TMC2: variants seen among roughly 807,000 people sequenced by gnomAD.
The protein encoded by TMC2 is transmembrane channel like 2.
TMC2 carries 102 observed loss-of-function variants against 105.9 expected under a neutral mutation model. That is an observed-to-expected ratio of 0.96 (90% CI 0.82 to 1.14). TMC2 has a LOEUF of 1.14. Ranked by LOEUF, TMC2 falls within the 50% of genes most tolerant of loss-of-function variation. The pLI is 0.00. For missense variants in TMC2, 1,093 were observed against 1,134.3 expected, an observed-to-expected ratio of 0.96 and a Z score of 0.52; for synonymous variants, 402 against 422.8, an observed-to-expected ratio of 0.95 and a Z score of 0.60.
At chr20:2,566,877 A>G (rs1173135799) in intron 4 of TMC2, among the ~76,000 whole-genome samples, 1 of 152,254 alleles carries the variant, frequency 6.6e-6, no homozygotes, top group Non-Finnish European at 1.5e-5. Flanking sequence ...AAAATCTGCT[A>G]TTTCTGGCCA....
chr20:2,629,065 G>A (rs1019401296), intron 17 of TMC2, among the ~76,000 whole-genome samples: 2 of 151,908 alleles, frequency 1.3e-5, no homozygotes, highest in African/African-American at 4.8e-5. Context: ...TCGCGCCACT[G>A]TACTCCAGCC....
intron 13 of TMC2, among the ~76,000 whole-genome samples, chr20:2,612,987 TA>T (rs1385795292): frequency 6.6e-6 from 1 of 152,212 alleles, no homozygotes; most frequent in African/African-American, 2.4e-5. Flanking sequence ...TCCAAAGCCA[TA>T]CAATTGGTAA....
At chr20:2,552,669 C>G (rs1325836747) in intron 2 of TMC2, among the ~76,000 whole-genome samples, 1 of 152,096 alleles carries the variant, frequency 6.6e-6, no homozygotes, top group African/African-American at 2.4e-5. Flanking sequence ...ACTCGTGCCA[C>G]CATGCCCAGC....
chr20:2,571,667 G>A lies in TMC2; in HGVS notation c.555-512G>A, dbSNP rs372787779. Among the ~76,000 whole-genome samples the A allele has an allele frequency of 3.7e-4, 57 of 152,050 alleles. 2 individuals carry two copies. In the South Asian group the frequency reaches 0.011, roughly 30 times the overall value. On this transcript the variant is annotated intron_variant, in intron 4 of 19. Transcript: ENST00000358864. ...GGGCTCATATTATTTTATTACACTG[G>A]GGCCATGCAGATGACCCAGAATAAT...
intron 7 of TMC2, among the ~76,000 whole-genome samples, chr20:2,589,969 G>A (rs940307663): frequency 2.0e-5 from 3 of 152,096 alleles, no homozygotes; most frequent in Non-Finnish European, 2.9e-5. Context: ...GCGCATGGCC[G>A]GCAGTATTGT....
At chr20:2,578,951 T>C (rs1379983475) in intron 5 of TMC2, among the ~76,000 whole-genome samples, 195 bp from the exon 6 acceptor site, 1 of 152,170 alleles carries the variant, frequency 6.6e-6, no homozygotes, top group Non-Finnish European at 1.5e-5. Flanking sequence ...GGCCTGACGT[T>C]GGGGAAGTAA....
At chr20:2,554,010 G>A (rs899437686) in intron 2 of TMC2, among the ~76,000 whole-genome samples, 11 of 151,760 alleles carry the variant, frequency 7.2e-5, no homozygotes, top group Non-Finnish European at 1.0e-4. Context: ...TCAGCCTCCC[G>A]AGTAGCTGGG....
At chr20:2,613,457 A>ATTTAATTT (rs2086458407) in intron 14 of TMC2, 135 bp downstream of exon 14, 2 of 1,324,616 alleles carry the variant, frequency 1.5e-6, no homozygotes, top group East Asian at 4.8e-5. Context: ...AGAGTAGTAA[A>ATTTAATTT]GTGTTTAATT....
chr20:2,641,306 G>A lies in TMC2; in HGVS notation c.2676G>A (p.Pro892=), dbSNP rs6050797. The part of the protein sequence containing the change: ...DSGHAPSQTH[P]WRSASGKSAQ... ...GCCACGCCCCATCTCAGACTCATCC[G>A]TGGAGGTCAGCCTCTGGAAAGAGTG... Residue 892 remains proline, a synonymous_variant, in exon 20 of 20, where the codon CCG becomes CCA. Transcript: ENST00000358864. The A allele has an allele frequency of 2.2e-4, 355 of 1,614,086 alleles. 3 individuals carry two copies. The African/African-American group carries it at 3.9e-3, about 18-fold the overall frequency.
intron 5 of TMC2, among the ~76,000 whole-genome samples, chr20:2,574,778 T>C (rs1003052333): frequency 3.9e-5 from 6 of 152,116 alleles, no homozygotes; most frequent in African/African-American, 1.4e-4. Flanking sequence ...CAGGCTAGAG[T>C]GCAGCAGCAT....
intron 2 of TMC2, among the ~76,000 whole-genome samples, chr20:2,557,834 C>G (rs1338865526): frequency 6.6e-6 from 1 of 152,232 alleles, no homozygotes; most frequent in African/African-American, 2.4e-5. Context: ...GGCAGTCATT[C>G]TCACCCAGAC....
rs1227320479 is a variant in TMC2, at chr20:2,594,952, T to G, written c.1061T>G (p.Ile354Ser). 1.1e-5 allele frequency: 18 copies of G among 1,613,754 alleles called. No homozygotes were observed. Among genetic ancestry groups the G allele is most frequent in the Non-Finnish European group, 1.5e-5 (18 of 1,179,920 alleles). The part of the protein sequence containing the change: ...VGVSVFGYSL[I>S]IVIRSMASNT... ...GTCAGCGTGTTCGGCTACAGCCTGA[T>G]TATTGTCATTCGATCGTAAGTATGA... The change falls in exon 9 of 20, where the codon ATT (isoleucine) becomes AGT (serine). Residue 354 changes from isoleucine to serine, a missense_variant. Ile to Ser is a moderately radical substitution (Grantham distance 142). Coordinates refer to ENST00000358864, the MANE Select transcript of TMC2 (RefSeq NM_080751.3).
intron 4 of TMC2, among the ~76,000 whole-genome samples, chr20:2,564,202 G>A (rs543599986): frequency 7.2e-6 from 1 of 138,734 alleles, no homozygotes; most frequent in African/African-American, 2.8e-5. Flanking sequence ...CCAGGATGGA[G>A]TGCAGTGGCA....
chr20:2,555,999 T>C (rs2085982703), intron 2 of TMC2, among the ~76,000 whole-genome samples: 1 of 152,246 alleles, frequency 6.6e-6, no homozygotes, highest in South Asian at 2.1e-4. Flanking sequence ...GCTATGATTA[T>C]CCAACATATT....
At chr20:2,636,847 G>A (rs560156237) in intron 18 of TMC2, among the ~76,000 whole-genome samples, 5 of 152,082 alleles carry the variant, frequency 3.3e-5, no homozygotes, top group Admixed American at 3.3e-4. Context: ...TCTTGACCTC[G>A]TGATCCGCCT....
At chr20:2,588,966 A>AATG (rs1317063348) in intron 7 of TMC2, among the ~76,000 whole-genome samples, 1 of 152,082 alleles carries the variant, frequency 6.6e-6, no homozygotes, top group African/African-American at 2.4e-5. Context: ...TCTCTACCAA[A>AATG]ATGATTCATC....
At chr20:2,636,073 T>C in intron 18 of TMC2, 69 bp downstream of exon 18, 1 of 1,339,402 alleles carries the variant, frequency 7.5e-7, no homozygotes, top group South Asian at 1.2e-5. Flanking sequence ...GCTAATTTGC[T>C]GTGTGAGCCC....
intron 2 of TMC2, among the ~76,000 whole-genome samples, chr20:2,555,482 C>T (rs987279148): frequency 2.6e-5 from 4 of 151,962 alleles, no homozygotes; most frequent in African/African-American, 9.7e-5. Flanking sequence ...AGGGTTAACA[C>T]GATTATCTTT....
intron 5 of TMC2, among the ~76,000 whole-genome samples, chr20:2,578,102 C>G (rs2086160716): frequency 1.3e-5 from 2 of 152,138 alleles, no homozygotes; most frequent in Admixed American, 1.3e-4. Flanking sequence ...GGGCAGATCA[C>G]TTGAGATCAG....
Sources: allele counts gnomAD v4.1 joint callset (sites outside exome capture counted in the v4.1 genomes callset), GRCh38; gene constraint gnomAD v4.1.1; transcripts MANE v1.5; gene names NCBI Gene and HGNC (gene_info 2026-07-23, HGNC 2026-07-21).